The following RPTOR variants were observed in gnomAD, a reference collection of about 807,000 sequenced individuals.
RPTOR encodes the protein regulatory-associated protein of mTOR.
A neutral mutation model predicts 169.9 loss-of-function variants in RPTOR; 21 were observed. The observed-to-expected ratio is 0.12, with a 90% confidence interval of 0.09 to 0.18. The LOEUF is 0.18. Ranked by LOEUF, RPTOR falls within the 10% of genes least tolerant of loss-of-function variation. The pLI is 1.00. For missense variants in RPTOR, 1,133 were observed against 1,855.9 expected, an observed-to-expected ratio of 0.61 and a Z score of 7.16; for synonymous variants, 732 against 753.2, an observed-to-expected ratio of 0.97 and a Z score of 0.46.
intron 24 of RPTOR, among the ~76,000 whole-genome samples, chr17:80,932,253 C>G (rs1598409156): frequency 6.6e-6 from 1 of 151,886 alleles, no homozygotes; most frequent in East Asian, 1.9e-4. Flanking sequence ...CACCTGTTAT[C>G]CCAGCACTTT....
At chr17:80,921,371 C>A (rs2068742865) in intron 21 of RPTOR, among the ~76,000 whole-genome samples, 1 of 152,222 alleles carries the variant, frequency 6.6e-6, no homozygotes, top group South Asian at 2.1e-4. Flanking sequence ...CAGGCCCCTT[C>A]TGAACGCGCA....
rs952976318 is a variant in RPTOR, at chr17:80,965,387, G to A, written c.*1057G>A. Reference sequence around the variant, plus strand: ...CCAGCCCCGTCTCCAGCCTTGAGCCGCCCATGCTGATGCGACCTCGGCTGA... The same window carrying A: ...CCAGCCCCGTCTCCAGCCTTGAGCCACCCATGCTGATGCGACCTCGGCTGA... On this transcript the variant is annotated 3_prime_UTR_variant, in exon 34 of 34. Transcript: ENST00000306801. 5.6e-5 allele frequency: 13 copies of A among 233,252 alleles called. No homozygotes were observed. The highest frequency in any genetic ancestry group is 9.3e-5 in the Non-Finnish European group (11 of 118,098). 14.4% of individuals were successfully genotyped at this position (233,252 alleles called of 1,614,324 possible).
In RPTOR at chr17:80,730,910, G is replaced by A. The variant is rs950782199; in HGVS notation, c.654+204G>A. Among the ~76,000 whole-genome samples the A allele has an allele frequency of 1.3e-5, 2 of 152,172 alleles. No homozygotes were observed. The highest frequency in any genetic ancestry group is 4.8e-5 in the African/African-American group (2 of 41,434). ...TATTTTTGAAACATAATCTTGTTCT[G>A]TTGCCCAGGCTGGAGTGCTGTGGTG... On this transcript the variant is annotated intron_variant, in intron 5 of 33. Coordinates refer to ENST00000306801, the MANE Select transcript of RPTOR (RefSeq NM_020761.3). This position sits in a 1 kb window ranked among gnomAD's most constrained non-coding sequence, Gnocchi z 4.2.
intron 3 of RPTOR, among the ~76,000 whole-genome samples, chr17:80,665,393 C>CATG (rs2065760009): frequency 3.2e-4 from 2 of 6,320 alleles, no homozygotes; most frequent in African/African-American, 2.0e-3. Context: ...CTTTCCTTTC[C>CATG]TTTCCTTTCC....
At chr17:80,909,315 A>G (rs554567559) in intron 21 of RPTOR, among the ~76,000 whole-genome samples, 13 of 152,040 alleles carry the variant, frequency 8.6e-5, no homozygotes, top group Non-Finnish European at 1.9e-4. Context: ...TCCTGGGCTC[A>G]AGGGATCCTC....
At chr17:80,892,662 G>C in intron 18 of RPTOR, 67 bp from the exon 19 acceptor site, 1 of 1,565,144 alleles carries the variant, frequency 6.4e-7, no homozygotes, top group Non-Finnish European at 8.7e-7. Flanking sequence ...CAGCTGCTGA[G>C]TGTCAGAAGA....
intron 5 of RPTOR, among the ~76,000 whole-genome samples, chr17:80,745,296 C>T (rs1051772459): frequency 2.0e-5 from 3 of 152,088 alleles, no homozygotes; most frequent in Non-Finnish European, 2.9e-5. Flanking sequence ...TTTGGGGGAA[C>T]TCGGGGTAAC....
chr17:80,845,368 T>C lies in RPTOR; in HGVS notation c.1213-1105T>C, dbSNP rs1335702407. Among the ~76,000 whole-genome samples the C allele has an allele frequency of 6.6e-6, 1 of 152,088 alleles. No individual in the cohort carries two copies. The highest frequency in any genetic ancestry group is 1.9e-4 in the East Asian group (1 of 5,176). ...CTCCCTCACCCGCGCGCCTTCTCTGTCCAGCTGCAACCCCTCCTCCCGCCC... is the reference window on the plus strand; with the variant it reads ...CTCCCTCACCCGCGCGCCTTCTCTGCCCAGCTGCAACCCCTCCTCCCGCCC... On this transcript the variant is annotated intron_variant, in intron 10 of 33. Transcript: ENST00000306801. The surrounding 1 kb of genome is among the most constrained non-coding windows in gnomAD (Gnocchi z 5.4).
intron 17 of RPTOR, among the ~76,000 whole-genome samples, chr17:80,890,988 GA>G (rs1045104121): frequency 3.4e-5 from 5 of 146,814 alleles, no homozygotes; most frequent in South Asian, 4.3e-4. Flanking sequence ...TTTCTTTTCA[GA>G]AAAAAAAAAG....
rs1374072711 is a variant in RPTOR at position 80,754,832 on chromosome 17, A to G, written c.830+647A>G. ...CTTTCCCATTTTATGTTTTGCTGAAAAGCTTATATGTCGTGGCTGTTACCG... is the reference window on the plus strand; with the variant it reads ...CTTTCCCATTTTATGTTTTGCTGAAGAGCTTATATGTCGTGGCTGTTACCG... On this transcript the variant is annotated intron_variant, in intron 6 of 33. Transcript: ENST00000306801. This position sits in a 1 kb window ranked among gnomAD's most constrained non-coding sequence, Gnocchi z 4.2. 2.0e-5 allele frequency among the ~76,000 whole-genome samples: 3 copies of G among 152,182 alleles called. No homozygotes were observed. Among genetic ancestry groups the G allele is most frequent in the Non-Finnish European group, 4.4e-5 (3 of 68,042 alleles).
chr17:80,559,891 C>T (rs1469376689), intron 1 of RPTOR, among the ~76,000 whole-genome samples: 1 of 152,210 alleles, frequency 6.6e-6, no homozygotes, highest in Non-Finnish European at 1.5e-5. Context: ...GTAAACGTTA[C>T]ATATGGTGAA....
At chr17:80,642,855 C>T (rs1350933002) in intron 2 of RPTOR, among the ~76,000 whole-genome samples, 4 of 152,178 alleles carry the variant, frequency 2.6e-5, no homozygotes, top group Non-Finnish European at 5.9e-5. Flanking sequence ...TGAAATGCCA[C>T]AGGCGAATGC....
At chr17:80,941,699 T>C (rs1039736356) in intron 25 of RPTOR, 24 of 152,406 alleles carry the variant, frequency 1.6e-4, no homozygotes, top group Admixed American at 1.4e-3. Flanking sequence ...GAGATTATTA[T>C]GGGTTACTTT....
chr17:80,858,000 C>T, intron 13 of RPTOR, 100 bp downstream of exon 13: 1 of 927,646 alleles, frequency 1.1e-6, no homozygotes, highest in African/African-American at 1.6e-5. Context: ...TCCAGCCTCG[C>T]TCCCTCTCCA....
chr17:80,794,434 C>T (rs536210009), intron 7 of RPTOR, among the ~76,000 whole-genome samples: 5 of 152,184 alleles, frequency 3.3e-5, no homozygotes, highest in Non-Finnish European at 7.3e-5. Context: ...ACTGACCAAA[C>T]GCAGTGTTGA....
Position 80,893,764 on chromosome 17 carries a change from G to T in RPTOR, c.2300G>T (p.Ser767Ile). 1 of 1,603,882 alleles carries T rather than the reference G, an allele frequency of 6.2e-7. No homozygotes were observed. Among genetic ancestry groups the T allele is most frequent in the Non-Finnish European group, 8.5e-7 (1 of 1,174,994 alleles). ...CTCAGCACCAGCAGCAGCGCCAGCA[G>T]CACCCTGGGCAGCCCCGAGAATGAG... ...GNLSTSSSAS[S>I]TLGSPENEEH... Residue 767 changes from serine (S) to isoleucine (I), a missense_variant, in exon 20 of 34, where the codon AGC becomes ATC. Ser to Ile is a moderately radical substitution (Grantham distance 142, BLOSUM62 -2). Transcript: ENST00000306801.
intron 1 of RPTOR, among the ~76,000 whole-genome samples, chr17:80,574,151 CTTTTTTCTTTTTTTTTTT>C (rs1379613514): frequency 4.3e-5 from 6 of 140,912 alleles, no homozygotes; most frequent in South Asian, 4.4e-4. Flanking sequence ...TTTTTTTTTT[CTTTTTTCTTTTTTTTTTT>C]TTTTTTGAGA....
At chr17:80,711,715 G>T (rs1368784212) in intron 4 of RPTOR, among the ~76,000 whole-genome samples, 2 of 136,894 alleles carry the variant, frequency 1.5e-5, no homozygotes, top group Non-Finnish European at 3.1e-5. Flanking sequence ...GTCTTCTTTT[G>T]GGAAGTTAAC....
chr17:80,734,433 C>G (rs945333270), intron 5 of RPTOR, among the ~76,000 whole-genome samples: 3 of 152,210 alleles, frequency 2.0e-5, no homozygotes, highest in African/African-American at 4.8e-5. Context: ...GGGAAATCCT[C>G]AAGCACTGCC....
Sources: allele counts gnomAD v4.1 joint callset (sites outside exome capture counted in the v4.1 genomes callset), GRCh38; gene constraint gnomAD v4.1.1; non-coding constraint Gnocchi (gnomAD v3.1); transcripts MANE v1.5; gene names NCBI Gene and HGNC (gene_info 2026-07-23, HGNC 2026-07-21).